Variants in SGCZ observed in about 807,000 individuals in gnomAD.
The protein encoded by SGCZ is sarcoglycan zeta, also known as zeta-sarcoglycan.
SGCZ carries 40 observed loss-of-function variants against 41.3 expected under a neutral mutation model. The ratio of observed to expected loss-of-function variants is 0.97; its 90% CI spans 0.75 to 1.26. SGCZ has a LOEUF of 1.26. Ranked by LOEUF, SGCZ falls within the 50% of genes most tolerant of loss-of-function variation. The pLI, the probability that SGCZ is intolerant of heterozygous loss-of-function variation, is 0.00. For missense variants in SGCZ, 552 were observed against 369.8 expected (o/e 1.49, Z -4.04); for synonymous variants, 206 against 137.5 (o/e 1.50, Z -3.49).
chr8:14,903,658 T>C (rs1799037641), intron 1 of SGCZ, among the ~76,000 whole-genome samples: 1 of 152,048 alleles, frequency 6.6e-6, no homozygotes, highest in Admixed American at 6.6e-5. Flanking sequence ...GACTGAGAAT[T>C]TGAAAGAACG....
chr8:14,551,524 A>ATT (rs1563404476), intron 2 of SGCZ, among the ~76,000 whole-genome samples: 2 of 9,932 alleles, frequency 2.0e-4, no homozygotes, highest in East Asian at 6.4e-3. Flanking sequence ...TATTATATAT[A>ATT]ATATATATAA....
At chr8:14,332,381 C>A (rs556519189) in intron 2 of SGCZ, among the ~76,000 whole-genome samples, 2 of 151,924 alleles carry the variant, frequency 1.3e-5, no homozygotes, top group African/African-American at 2.4e-5. Context: ...GCGGAGCTTG[C>A]GGTGAGCCGA....
At chr8:14,465,204 C>G (rs2116963293) in intron 2 of SGCZ, among the ~76,000 whole-genome samples, 1 of 151,584 alleles carries the variant, frequency 6.6e-6, no homozygotes, top group South Asian at 2.1e-4. Context: ...TCTGTTTGCC[C>G]CTTCAGTCCT....
chr8:14,841,213 G>C (rs551101673), intron 1 of SGCZ, among the ~76,000 whole-genome samples: 39 of 152,146 alleles, frequency 2.6e-4, no homozygotes, highest in African/African-American at 8.9e-4. Flanking sequence ...AATGTTATGG[G>C]CTGTATCAAC....
At chr8:14,379,345 T>C (rs1804268353) in intron 2 of SGCZ, among the ~76,000 whole-genome samples, 1 of 152,122 alleles carries the variant, frequency 6.6e-6, no homozygotes, top group Non-Finnish European at 1.5e-5. Flanking sequence ...AATAAGTAGA[T>C]AGATGATATA....
chr8:14,360,264 C>T lies in SGCZ; in HGVS notation c.235-36060G>A, dbSNP rs1414198238. On this transcript the variant is annotated intron_variant, in intron 2 of 7. Transcript: ENST00000382080. Reference sequence around the variant, plus strand: ...ATAGTTCCAGAAGTTCTAGCAAGAGCAATCAGAAAAGAGAAAGAAATAAAG... The same window carrying T: ...ATAGTTCCAGAAGTTCTAGCAAGAGTAATCAGAAAAGAGAAAGAAATAAAG... Among the ~76,000 whole-genome samples the T allele has an allele frequency of 2.6e-5, 4 of 151,758 alleles. No individual in the cohort carries two copies. The East Asian group carries it at 7.7e-4, about 29-fold the overall frequency.
At chr8:14,212,155 C>A (rs976239171) in intron 4 of SGCZ, among the ~76,000 whole-genome samples, 1 of 152,028 alleles carries the variant, frequency 6.6e-6, no homozygotes, top group Admixed American at 6.6e-5. Flanking sequence ...TAGTAAGGAG[C>A]AATCCAGAAC....
chr8:14,491,212 A>C (rs548768822), intron 2 of SGCZ, among the ~76,000 whole-genome samples: 8 of 152,192 alleles, frequency 5.3e-5, no homozygotes, highest in African/African-American at 1.9e-4. Context: ...CACTCCTCCA[A>C]AGCCCTAATG....
chr8:14,778,880 A>C (rs2130426938), intron 1 of SGCZ, among the ~76,000 whole-genome samples: 1 of 152,346 alleles, frequency 6.6e-6, no homozygotes, highest in African/African-American at 2.4e-5. Context: ...TGGAGTGTAA[A>C]GTTATATCGC....
At chr8:14,373,336 T>C (rs185928676) in intron 2 of SGCZ, among the ~76,000 whole-genome samples, 3 of 152,300 alleles carry the variant, frequency 2.0e-5, no homozygotes, top group Non-Finnish European at 2.9e-5. Context: ...ATGGATATGA[T>C]CCCTAAGTGG....
At chr8:14,466,878 C>T (rs568063630) in intron 2 of SGCZ, among the ~76,000 whole-genome samples, 90 of 151,638 alleles carry the variant, frequency 5.9e-4, no homozygotes, top group African/African-American at 2.1e-3. Flanking sequence ...CTATGTCTTC[C>T]TTTAATACTC....
intron 3 of SGCZ, among the ~76,000 whole-genome samples, chr8:14,240,302 T>C (rs1798823908): frequency 7.5e-6 from 1 of 134,212 alleles, no homozygotes; most frequent in Non-Finnish European, 1.5e-5. Flanking sequence ...CACTCCAGCC[T>C]GAGTGACAGA....
intron 1 of SGCZ, among the ~76,000 whole-genome samples, chr8:15,043,546 A>G (rs539033010): frequency 2.6e-5 from 4 of 152,296 alleles, no homozygotes; most frequent in African/African-American, 7.2e-5. Flanking sequence ...TTTCCAAAAA[A>G]GAAGAAAGGC....
At chr8:14,624,390 C>T (rs1171087994) in intron 1 of SGCZ, among the ~76,000 whole-genome samples, 2 of 151,762 alleles carry the variant, frequency 1.3e-5, no homozygotes, top group Non-Finnish European at 2.9e-5. Context: ...AAGTAAAATT[C>T]ATCGACTTTC....
At chr8:14,806,098 T>G (rs1038301505) in intron 1 of SGCZ, among the ~76,000 whole-genome samples, 1 of 151,786 alleles carries the variant, frequency 6.6e-6, no homozygotes, top group African/African-American at 2.4e-5. Context: ...GAGGGAAATT[T>G]ATAGCACTAA....
intron 3 of SGCZ, among the ~76,000 whole-genome samples, chr8:14,254,490 T>A (rs1423543386): frequency 1.3e-5 from 2 of 152,144 alleles, no homozygotes; most frequent in East Asian, 3.9e-4. Flanking sequence ...AGGTCAAAAA[T>A]AAGTGAAGCA....
At chr8:14,903,669 T>G (rs1446046636) in intron 1 of SGCZ, among the ~76,000 whole-genome samples, 1 of 152,052 alleles carries the variant, frequency 6.6e-6, no homozygotes, top group East Asian at 1.9e-4. Flanking sequence ...TGAAAGAACG[T>G]CTTATGTATT....
chr8:14,414,192 G>GCA (rs147187762), intron 2 of SGCZ, among the ~76,000 whole-genome samples: 2 of 150,846 alleles, frequency 1.3e-5, no homozygotes, highest in Admixed American at 6.6e-5. Context: ...ACACACTCGC[G>GCA]CACACACACA....
chr8:14,408,734 C>T (rs10110996), intron 2 of SGCZ, among the ~76,000 whole-genome samples: 3,321 of 152,082 alleles, frequency 0.022, 95 homozygotes, highest in African/African-American at 0.06. Flanking sequence ...GGCTTCTGTA[C>T]TCTTTTATTA....
Sources: gnomAD v4.1 joint callset for allele counts (sites outside exome capture counted in the v4.1 genomes callset) on GRCh38, gnomAD v4.1.1 for gene constraint, MANE v1.5 for transcripts, NCBI Gene and HGNC (gene_info 2026-07-23, HGNC 2026-07-21) for gene names.